The following TYW1 variants were observed in gnomAD, a reference collection of about 807,000 sequenced individuals.
TYW1 encodes the protein tRNA-yW synthesizing protein 1 homolog, also known as S-adenosyl-L-methionine-dependent tRNA 4-demethylwyosine synthase TYW1.
TYW1 carries 46 observed loss-of-function variants against 96.2 expected under a neutral mutation model. The observed-to-expected ratio is 0.48, with a 90% CI of 0.38 to 0.61. TYW1 has a LOEUF of 0.61. Among genes scored for constraint, TYW1 ranks in the 20% least tolerant of loss-of-function variants. The probability of loss-of-function intolerance (pLI) is 0.00; values close to 1 mark genes in which losing one functional copy is unlikely to be tolerated. For synonymous variants in TYW1, 274 were observed against 323.0 expected (o/e 0.85, Z 1.63); for missense variants, 684 against 909.6 (o/e 0.75, Z 3.19).
In TYW1 at chr7:67,080,245, G is replaced by A. The variant is rs569418883; in HGVS notation, c.1275-3185G>A. ...CTCATAATGTTTGCTTTATATCTCA[G>A]TGCTCCAGTGTTAGGTACATAAATA... On this transcript the variant is annotated intron_variant, in intron 10 of 15. Coordinates refer to ENST00000359626, the MANE Select transcript of TYW1 (RefSeq NM_018264.4). Among the ~76,000 whole-genome samples, 6 of 152,222 alleles carry A rather than the reference G, an allele frequency of 3.9e-5. No homozygotes were observed. The South Asian group carries it at 1.0e-3, about 26-fold the overall frequency.
At chr7:67,105,277 C>A (rs996482301) in intron 12 of TYW1, among the ~76,000 whole-genome samples, 6 of 152,200 alleles carry the variant, frequency 3.9e-5, no homozygotes, top group African/African-American at 1.2e-4. Flanking sequence ...ACATACAGCA[C>A]AACAGACCAC....
intron 7 of TYW1, among the ~76,000 whole-genome samples, chr7:67,028,539 C>T (rs1018920110): frequency 3.3e-5 from 5 of 152,196 alleles, no homozygotes; most frequent in Non-Finnish European, 7.3e-5. Flanking sequence ...TAACTTTACT[C>T]ATAATAAGAG....
chr7:67,170,087 T>C (rs1799470153), intron 13 of TYW1, among the ~76,000 whole-genome samples: 1 of 152,222 alleles, frequency 6.6e-6, no homozygotes, highest in African/African-American at 2.4e-5. Flanking sequence ...TTTATTGTTT[T>C]AGCTCTTTGA....
intron 3 of TYW1, among the ~76,000 whole-genome samples, chr7:67,004,805 G>T (rs1483905250): frequency 6.6e-6 from 1 of 152,110 alleles, no homozygotes; most frequent in African/African-American, 2.4e-5. Flanking sequence ...ACCCAGGCTG[G>T]AGTGCAGTGG....
At chr7:67,092,498 T>C (rs1369561044) in intron 11 of TYW1, among the ~76,000 whole-genome samples, 2 of 152,132 alleles carry the variant, frequency 1.3e-5, no homozygotes, top group African/African-American at 2.4e-5. Flanking sequence ...ACTGGAATGC[T>C]CTTCCGTCTT....
chr7:67,197,526 G>A (rs35723315), intron 15 of TYW1, among the ~76,000 whole-genome samples: 38,143 of 151,948 alleles, frequency 0.25, 4,958 homozygotes, highest in African/African-American at 0.3. Flanking sequence ...GGGTTTCACC[G>A]TGTTAGCCAG....
intron 15 of TYW1, among the ~76,000 whole-genome samples, chr7:67,219,283 T>G (rs1177218475): frequency 3.3e-5 from 5 of 152,192 alleles, no homozygotes; most frequent in Non-Finnish European, 7.4e-5. Flanking sequence ...TGCTGCTGAA[T>G]TTGGCTTGCT....
At chr7:67,080,952 T>G (rs1247975335) in intron 10 of TYW1, among the ~76,000 whole-genome samples, 1 of 146,222 alleles carries the variant, frequency 6.8e-6, no homozygotes, top group Non-Finnish European at 1.5e-5. Flanking sequence ...TTTTTTTTTT[T>G]TTTTTTTTTT....
rs569597363 is a variant in TYW1 at position 67,050,001 on chromosome 7, G to A, written c.1037G>A (p.Arg346Lys). ...EKSGLFRNMG[R>K]NEDGERRAMI... ...TCTGGTTTGTTCAGGAACATGGGGA[G>A]GAATGAAGATGGTGAAAGAAGAGCT... Residue 346 changes from arginine (R) to lysine (K), a missense_variant, in exon 8 of 16, where the codon AGG (arginine) becomes AAG (lysine). Coordinates refer to ENST00000359626, the MANE Select transcript of TYW1 (RefSeq NM_018264.4). The A allele has an allele frequency of 6.2e-7, 1 of 1,614,036 alleles. No homozygotes were observed. The highest frequency in any genetic ancestry group is 1.7e-5 in the Admixed American group (1 of 59,998).
intron 15 of TYW1, among the ~76,000 whole-genome samples, chr7:67,203,800 A>G (rs941757713): frequency 6.6e-6 from 1 of 152,046 alleles, no homozygotes; most frequent in African/African-American, 2.4e-5. Flanking sequence ...TCCTTTAGCA[A>G]TTCTCTTAGA....
intron 15 of TYW1, among the ~76,000 whole-genome samples, chr7:67,207,704 T>C (rs1800855879): frequency 7.6e-6 from 1 of 132,374 alleles, no homozygotes; most frequent in African/African-American, 3.0e-5. Flanking sequence ...GGAGATGGAG[T>C]CATTTTGTTT....
chr7:67,115,902 A>G (rs961891504), intron 12 of TYW1, among the ~76,000 whole-genome samples: 2 of 152,246 alleles, frequency 1.3e-5, no homozygotes, highest in Non-Finnish European at 2.9e-5. Flanking sequence ...GAATCCTTAT[A>G]GAAAAAGAAT....
chr7:67,073,430 G>T (rs923364876), intron 10 of TYW1, among the ~76,000 whole-genome samples: 9 of 152,142 alleles, frequency 5.9e-5, no homozygotes, highest in African/African-American at 1.9e-4. Flanking sequence ...ATGGTCTACA[G>T]TTACTATTTC....
At chr7:67,223,793 G>T (rs555980268) in intron 15 of TYW1, among the ~76,000 whole-genome samples, 2 of 151,674 alleles carry the variant, frequency 1.3e-5, no homozygotes, top group Non-Finnish European at 1.5e-5. Flanking sequence ...GACTGGTAGC[G>T]GCTTTGGAGC....
At chr7:67,130,556 C>T (rs1028716268) in intron 13 of TYW1, among the ~76,000 whole-genome samples, 1 of 151,418 alleles carries the variant, frequency 6.6e-6, no homozygotes, top group Non-Finnish European at 1.5e-5. Flanking sequence ...CCCAGCTACT[C>T]GGGAGGCTGA....
intron 6 of TYW1, among the ~76,000 whole-genome samples, chr7:67,019,780 C>A (rs1394386778): frequency 6.6e-6 from 1 of 152,294 alleles, no homozygotes; most frequent in African/African-American, 2.4e-5. Flanking sequence ...GTGGTCGATA[C>A]CAAGTTGTTG....
intron 14 of TYW1, among the ~76,000 whole-genome samples, chr7:67,193,317 C>T (rs1025616196): frequency 3.3e-5 from 5 of 152,160 alleles, no homozygotes; most frequent in African/African-American, 1.2e-4. Context: ...GGTTTATATT[C>T]CACAAAGGCC....
chr7:67,047,790 T>A (rs1166612274), intron 7 of TYW1, among the ~76,000 whole-genome samples: 1 of 137,478 alleles, frequency 7.3e-6, no homozygotes, highest in African/African-American at 2.8e-5. Flanking sequence ...TCAATTTTTT[T>A]TTTTTTTTTT....
intron 13 of TYW1, among the ~76,000 whole-genome samples, chr7:67,119,297 A>T (rs1797692159): frequency 6.6e-6 from 1 of 152,070 alleles, no homozygotes; most frequent in Non-Finnish European, 1.5e-5. Context: ...TTTGGTATGC[A>T]GCCAGATATG....
Sources: allele counts gnomAD v4.1 joint callset (sites outside exome capture counted in the v4.1 genomes callset), GRCh38; gene constraint gnomAD v4.1.1; transcripts MANE v1.5; gene names NCBI Gene and HGNC (gene_info 2026-07-23, HGNC 2026-07-21).